The following ARMC8 variants were observed in gnomAD, a reference collection of about 807,000 sequenced individuals.
ARMC8 encodes armadillo repeat containing 8.
Under a neutral mutation model 99.3 loss-of-function variants are expected in ARMC8, and 20 were observed. That is an observed-to-expected ratio of 0.20 (90% CI 0.14 to 0.29). The LOEUF (loss-of-function observed/expected upper bound fraction) is 0.29, where lower values mean the gene tolerates loss of function less well. Ranked by LOEUF, ARMC8 falls within the 10% of genes least tolerant of loss-of-function variation. The pLI is 1.00. For missense variants in ARMC8, 569 were observed against 809.5 expected, an observed-to-expected ratio of 0.70 and a Z score of 3.60; for synonymous variants, 263 against 278.3, an observed-to-expected ratio of 0.95 and a Z score of 0.55.
rs903707723 is a variant in ARMC8 at position 138,226,252 on chromosome 3, C to T, written c.435+2519C>T. 2.6e-5 allele frequency among the ~76,000 whole-genome samples: 4 copies of T among 152,186 alleles called. No individual in the cohort carries two copies. The South Asian group carries it at 8.3e-4, about 31-fold the overall frequency. On this transcript the variant is annotated intron_variant, in intron 5 of 21. Transcript: ENST00000469044. ...CTCGTGATCCACCCGCCTCGGCCTC[C>T]CAAAGTGTTGGGATTACAGGCGTGA...
Position 138,241,881 on chromosome 3 carries a change from T to G in ARMC8, c.936T>G (p.Val312=). 6.2e-7 allele frequency: 1 copy of G among 1,614,056 alleles called. No homozygotes were observed. The highest frequency in any genetic ancestry group is 8.5e-7 in the Non-Finnish European group (1 of 1,179,940). The change falls in exon 11 of 22, where the codon GTT becomes GTG. Residue 312 remains valine (V), a synonymous_variant. Coordinates refer to ENST00000469044, the MANE Select transcript of ARMC8 (RefSeq NM_001363941.2). ...ETLAYLIEPD[V]ELQRIASITD... Reference sequence around the variant, plus strand: ...TTGCCTATCTGATTGAACCAGATGTTGAGCTACAGAGAATCGCTAGCATAA... The same window carrying G: ...TTGCCTATCTGATTGAACCAGATGTGGAGCTACAGAGAATCGCTAGCATAA...
intron 1 of ARMC8, among the ~76,000 whole-genome samples, chr3:138,194,410 T>C (rs2043587427): frequency 7.1e-6 from 1 of 140,686 alleles, no homozygotes; most frequent in African/African-American, 2.7e-5. Flanking sequence ...CGATCTCGGG[T>C]CACTGCAACC....
intron 6 of ARMC8, among the ~76,000 whole-genome samples, chr3:138,232,035 A>G (rs2046071217): frequency 7.4e-6 from 1 of 134,350 alleles, no homozygotes; most frequent in Non-Finnish European, 1.5e-5. Flanking sequence ...TAGTGGCGCA[A>G]TCTCGGCTCC....
At chr3:138,251,687 A>C (rs939953556) in intron 12 of ARMC8, among the ~76,000 whole-genome samples, 3 of 152,230 alleles carry the variant, frequency 2.0e-5, no homozygotes, top group African/African-American at 7.2e-5. Flanking sequence ...GGCCTTCAAC[A>C]TACTGAAAGA....
chr3:138,203,633 A>G (rs771686278), intron 1 of ARMC8, among the ~76,000 whole-genome samples: 2 of 152,136 alleles, frequency 1.3e-5, no homozygotes, highest in Non-Finnish European at 2.9e-5. Flanking sequence ...GCTGCATTCC[A>G]TTTGCTAGAA....
intron 1 of ARMC8, among the ~76,000 whole-genome samples, chr3:138,192,690 A>G (rs552722033): frequency 6.6e-6 from 1 of 152,228 alleles, no homozygotes; most frequent in East Asian, 1.9e-4. Flanking sequence ...AGCTGGGACT[A>G]CAGGTGTGTG....
intron 12 of ARMC8, among the ~76,000 whole-genome samples, chr3:138,260,669 C>A (rs755116857): frequency 6.6e-6 from 1 of 152,192 alleles, no homozygotes; most frequent in Non-Finnish European, 1.5e-5. Flanking sequence ...CTGAGATATA[C>A]TTTATTAAAT....
At chr3:138,227,366 T>TTGCCTTTTCTA (rs2045749082) in intron 5 of ARMC8, among the ~76,000 whole-genome samples, 1 of 152,160 alleles carries the variant, frequency 6.6e-6, no homozygotes, top group Non-Finnish European at 1.5e-5. Context: ...ATCTACCTAT[T>TTGCCTTTTCTA]TGCCTTTTCT....
intron 1 of ARMC8, among the ~76,000 whole-genome samples, chr3:138,193,746 T>C (rs757242872): frequency 6.6e-6 from 1 of 152,218 alleles, no homozygotes; most frequent in African/African-American, 2.4e-5. Context: ...AAAATAAAAC[T>C]TTTAGAATAA....
chr3:138,223,729 A>G lies in ARMC8; in HGVS notation c.431A>G (p.Tyr144Cys). The change falls in exon 5 of 22, where the codon TAT becomes TGT. Residue 144 changes from tyrosine to cysteine, a missense_variant. Tyr to Cys is a radical substitution (Grantham distance 194, BLOSUM62 -2). This residue lies in a region of ARMC8 where 342 missense variants were observed against 391.6 expected (regional missense o/e 0.87). Transcript: ENST00000469044. ...CCTGTCACTCCAGAGGAGCTACTGT[A>G]TACAGTGAGTTTTAGATGTATTTGA... Reference protein sequence around the residue: ...TSPVTPEELLYTDATVIPHLM... With the variant: ...TSPVTPEELLCTDATVIPHLM... 1 of 1,613,110 alleles carries G rather than the reference A, an allele frequency of 6.2e-7. No homozygotes were observed. The highest frequency in any genetic ancestry group is 8.5e-7 in the Non-Finnish European group (1 of 1,179,162).
At chr3:138,225,273 G>A (rs771993428) in intron 5 of ARMC8, among the ~76,000 whole-genome samples, 3 of 152,090 alleles carry the variant, frequency 2.0e-5, no homozygotes, top group Non-Finnish European at 4.4e-5. Context: ...ACCACGCCCA[G>A]CTGATTTTTG....
chr3:138,263,263 G>A (rs1278671530), intron 12 of ARMC8, among the ~76,000 whole-genome samples: 1 of 152,246 alleles, frequency 6.6e-6, no homozygotes, highest in East Asian at 1.9e-4. Context: ...GATGGCAAGG[G>A]TTACTTTTCT....
Position 138,297,656 on chromosome 3 carries a change from A to G in ARMC8, c.*1764A>G, listed in dbSNP as rs182565440. 5.3e-5 allele frequency: 8 copies of G among 152,282 alleles called. No homozygotes were observed. The highest frequency in any genetic ancestry group is 9.6e-5 in the African/African-American group (4 of 41,566). The allele number at this position is 152,282 out of a possible 1,614,324, so 9.4% of individuals were successfully genotyped here. ...CAAACACAGAGACTTCCAAGTTACT[A>G]TTTTTTCAGAACATCACCGATTTTA... is the stretch of plus-strand genomic sequence containing the variant. On this transcript the variant is annotated 3_prime_UTR_variant, in exon 22 of 22. Coordinates refer to ENST00000469044, the MANE Select transcript of ARMC8 (RefSeq NM_001363941.2).
chr3:138,281,402 C>T (rs1461955909), intron 18 of ARMC8, among the ~76,000 whole-genome samples: 1 of 151,796 alleles, frequency 6.6e-6, no homozygotes, highest in Admixed American at 6.6e-5. Context: ...AATAGATTCT[C>T]CTGCCTCAGC....
intron 14 of ARMC8, among the ~76,000 whole-genome samples, chr3:138,265,923 A>C (rs1026680105): frequency 6.6e-6 from 1 of 152,094 alleles, no homozygotes; most frequent in African/African-American, 2.4e-5. Flanking sequence ...GACCATATGA[A>C]CCCTGGAGCT....
intron 12 of ARMC8, among the ~76,000 whole-genome samples, chr3:138,253,465 C>A (rs1157592524): frequency 6.6e-6 from 1 of 152,162 alleles, no homozygotes; most frequent in Non-Finnish European, 1.5e-5. Context: ...TTAACTATTA[C>A]ATCACTTTAT....
At chr3:138,225,197 C>G (rs957762408) in intron 5 of ARMC8, among the ~76,000 whole-genome samples, 2 of 151,188 alleles carry the variant, frequency 1.3e-5, no homozygotes, top group African/African-American at 4.9e-5. Context: ...CCTCCGCCTC[C>G]TGAGTTCAAG....
chr3:138,225,457 T>G (rs2045643737), intron 5 of ARMC8, among the ~76,000 whole-genome samples: 2 of 152,228 alleles, frequency 1.3e-5, no homozygotes, highest in South Asian at 4.1e-4. Context: ...TAAATTACAG[T>G]CACTTTACAT....
chr3:138,202,049 C>A (rs1401227349), intron 1 of ARMC8, among the ~76,000 whole-genome samples: 1 of 152,164 alleles, frequency 6.6e-6, no homozygotes, highest in Non-Finnish European at 1.5e-5. Flanking sequence ...ATTTGAATTT[C>A]ATTTAAAATC....
Sources: allele counts gnomAD v4.1 joint callset (sites outside exome capture counted in the v4.1 genomes callset), GRCh38; gene constraint gnomAD v4.1.1; regional missense constraint gnomAD v4.1.1; transcripts MANE v1.5; gene names NCBI Gene and HGNC (gene_info 2026-07-23, HGNC 2026-07-21).